The following MB21D2 variants were observed in gnomAD, a reference collection of about 807,000 sequenced individuals.
MB21D2 encodes Mab-21 domain containing 2.
MB21D2 carries 9 observed loss-of-function variants against 33.3 expected under a neutral mutation model. The observed-to-expected ratio is 0.27, with a 90% CI of 0.16 to 0.47. The LOEUF is 0.47. Ranked by LOEUF, MB21D2 falls within the 20% of genes least tolerant of loss-of-function variation. MB21D2 has a pLI of 0.99. For missense variants in MB21D2, 540 were observed against 624.6 expected (o/e 0.86, Z 1.44); for synonymous variants, 241 against 236.3 (o/e 1.02, Z -0.18).
chr3:192,824,653 A>G (rs1374351080), intron 1 of MB21D2, among the ~76,000 whole-genome samples: 2 of 152,208 alleles, frequency 1.3e-5, no homozygotes, highest in African/African-American at 2.4e-5. Flanking sequence ...TCAGCTATGC[A>G]GCCCACAGCC....
intron 1 of MB21D2, among the ~76,000 whole-genome samples, chr3:192,899,189 G>C (rs556996113): frequency 6.6e-6 from 1 of 152,214 alleles, no homozygotes; most frequent in Non-Finnish European, 1.5e-5. Flanking sequence ...GGAAGCTAGA[G>C]ATGTGGGCTG....
chr3:192,885,965 T>A (rs983449912), intron 1 of MB21D2, among the ~76,000 whole-genome samples: 1 of 151,734 alleles, frequency 6.6e-6, no homozygotes, highest in African/African-American at 2.4e-5. Context: ...ATTTTTATAA[T>A]TTTTTTTTCT....
chr3:192,803,382 G>A (rs1711593580), intron 1 of MB21D2, among the ~76,000 whole-genome samples: 1 of 152,138 alleles, frequency 6.6e-6, no homozygotes, highest in Admixed American at 6.5e-5. Flanking sequence ...AGTGAAGAAA[G>A]CCCTTTAGTA....
At chr3:192,916,389 C>T (rs1481860168) in intron 1 of MB21D2, among the ~76,000 whole-genome samples, 1 of 152,094 alleles carries the variant, frequency 6.6e-6, no homozygotes, top group Non-Finnish European at 1.5e-5. Flanking sequence ...CAGCAACAGC[C>T]GGCTGAAACC....
chr3:192,908,222 C>T (rs1714253673), intron 1 of MB21D2, among the ~76,000 whole-genome samples: 2 of 152,020 alleles, frequency 1.3e-5, no homozygotes, highest in South Asian at 2.1e-4. Context: ...GGGAAGAGCT[C>T]TTTTAAAGAG....
At chr3:192,877,729 G>A (rs1560247540) in intron 1 of MB21D2, among the ~76,000 whole-genome samples, 1 of 152,208 alleles carries the variant, frequency 6.6e-6, no homozygotes, top group Non-Finnish European at 1.5e-5. Context: ...GTGTCTTTAT[G>A]AATAAGTAAT....
chr3:192,820,350 C>T (rs759229641), intron 1 of MB21D2, among the ~76,000 whole-genome samples: 1 of 152,050 alleles, frequency 6.6e-6, no homozygotes, highest in Non-Finnish European at 1.5e-5. Context: ...TTAACTCCCC[C>T]GAGATAACAA....
At chr3:192,804,545 T>C (rs1711623944) in intron 1 of MB21D2, among the ~76,000 whole-genome samples, 1 of 152,108 alleles carries the variant, frequency 6.6e-6, no homozygotes, top group South Asian at 2.1e-4. Flanking sequence ...TTAGATAAAT[T>C]TTATCTTTTT....
chr3:192,846,358 G>A (rs970040369), intron 1 of MB21D2, among the ~76,000 whole-genome samples: 5 of 152,148 alleles, frequency 3.3e-5, no homozygotes, highest in African/African-American at 4.8e-5. Context: ...GCTTGGAGCA[G>A]TTCATATATA....
At chr3:192,814,953 T>C (rs897006917) in intron 1 of MB21D2, among the ~76,000 whole-genome samples, 1 of 152,186 alleles carries the variant, frequency 6.6e-6, no homozygotes, top group African/African-American at 2.4e-5. Context: ...ATGGCTTCTT[T>C]CATCTACTTT....
intron 1 of MB21D2, among the ~76,000 whole-genome samples, chr3:192,837,287 G>A (rs1056017689): frequency 2.0e-5 from 3 of 152,112 alleles, no homozygotes; most frequent in Admixed American, 1.3e-4. Context: ...TAAACATGGA[G>A]AGACATTCCC....
rs377514366 is a variant in MB21D2 at position 192,888,518 on chromosome 3, T to A, written c.211+29112A>T. 1.3e-3 allele frequency among the ~76,000 whole-genome samples: 203 copies of A among 152,228 alleles called. 3 individuals are homozygous for A. The South Asian group carries it at 0.021, about 16-fold the overall frequency. ...AAATCTTATCCACAAAATACAGTTA[T>A]TTCCTCTAATGTTTTATGGTTGTCA... On this transcript the variant is annotated intron_variant, in intron 1 of 1. Transcript: ENST00000392452.
chr3:192,861,051 C>T (rs760245366), intron 1 of MB21D2, among the ~76,000 whole-genome samples: 1 of 152,212 alleles, frequency 6.6e-6, no homozygotes, highest in Non-Finnish European at 1.5e-5. Flanking sequence ...TGGACTTCTT[C>T]GGGCCTTAGC....
At chr3:192,856,011 C>T (rs1176498136) in intron 1 of MB21D2, among the ~76,000 whole-genome samples, 2 of 151,822 alleles carry the variant, frequency 1.3e-5, no homozygotes, top group African/African-American at 2.4e-5. Flanking sequence ...GAGCCGAGAT[C>T]GTACCACTGC....
At chr3:192,823,980 G>C (rs1038820239) in intron 1 of MB21D2, among the ~76,000 whole-genome samples, 2 of 152,122 alleles carry the variant, frequency 1.3e-5, no homozygotes, top group Non-Finnish European at 2.9e-5. Context: ...TCAGGAACTT[G>C]TTTTTGAGAG....
Position 192,875,014 on chromosome 3 carries a change from T to A in MB21D2, c.211+42616A>T, listed in dbSNP as rs1713398555. The stretch of plus-strand genomic sequence containing the variant: ...ACTACACCTTTGTAAACTGTCCCTA[T>A]TAAAAAAAAAACAAAAAACTCTTCT... On this transcript the variant is annotated intron_variant, in intron 1 of 1. Coordinates refer to ENST00000392452, the MANE Select transcript of MB21D2 (RefSeq NM_178496.4). Among the ~76,000 whole-genome samples, 6 of 85,392 alleles carry A rather than the reference T, an allele frequency of 7.0e-5. No homozygotes were observed. In the South Asian group the frequency reaches 2.4e-3, roughly 34 times the overall value. The allele number at this position is 85,392 out of a possible 152,430, so 56.0% of individuals were successfully genotyped here. A position where few individuals can be genotyped will look rare whatever the true frequency, so the allele number is the denominator to read the frequency against.
chr3:192,820,964 CG>C (rs1255635643), intron 1 of MB21D2, among the ~76,000 whole-genome samples: 6 of 152,080 alleles, frequency 3.9e-5, no homozygotes, highest in Non-Finnish European at 7.4e-5. Flanking sequence ...GATGAGGTCT[CG>C]CTATGTTGCT....
At chr3:192,892,326 T>C (rs1713868844) in intron 1 of MB21D2, among the ~76,000 whole-genome samples, 1 of 152,196 alleles carries the variant, frequency 6.6e-6, no homozygotes, top group Non-Finnish European at 1.5e-5. Flanking sequence ...CACTGGGTCT[T>C]TGAATTAATA....
intron 1 of MB21D2, among the ~76,000 whole-genome samples, chr3:192,874,297 T>A (rs369001647): frequency 4.6e-5 from 7 of 152,284 alleles, no homozygotes; most frequent in African/African-American, 1.7e-4. Flanking sequence ...ATTTGTTGAA[T>A]GAATGGCTGA....
Sources: allele counts gnomAD v4.1 joint callset (sites outside exome capture counted in the v4.1 genomes callset), GRCh38; gene constraint gnomAD v4.1.1; transcripts MANE v1.5; gene names NCBI Gene and HGNC (gene_info 2026-07-23, HGNC 2026-07-21).